Variants in MATCAP2 observed in about 807,000 individuals in gnomAD.
The protein encoded by MATCAP2 is microtubule associated tyrosine carboxypeptidase 2.
chr7:36,358,716 G>A, the MATCAP2 span, among the ~76,000 whole-genome samples: 1 of 152,094 alleles, frequency 6.6e-6, no homozygotes, highest in Non-Finnish European at 1.5e-5. Flanking sequence ...TCAGCACATG[G>A]CTCTGATAAA....
the MATCAP2 span, among the ~76,000 whole-genome samples, chr7:36,337,120 A>AAAAAAAAAAAAAAAAAAAAAAC: frequency 6.8e-6 from 1 of 147,470 alleles, no homozygotes; most frequent in Non-Finnish European, 1.5e-5. Context: ...AAAAAAAAAA[A>AAAAAAAAAAAAAAAAAAAAAAC]AAAAAGCAAT....
At chr7:36,328,608 G>A in the MATCAP2 span, among the ~76,000 whole-genome samples, 14 of 151,946 alleles carry the variant, frequency 9.2e-5, no homozygotes, top group Admixed American at 6.6e-5. Context: ...GCTGGGTGTG[G>A]TGGCAGGTGC....
chr7:36,369,025 T>C, the MATCAP2 span, among the ~76,000 whole-genome samples: 2 of 152,198 alleles, frequency 1.3e-5, no homozygotes, highest in African/African-American at 4.8e-5. Flanking sequence ...TTATCTAATT[T>C]ATTATATATT....
the MATCAP2 span, among the ~76,000 whole-genome samples, chr7:36,369,502 T>G: frequency 1.3e-5 from 2 of 152,344 alleles, no homozygotes; most frequent in Middle Eastern, 3.4e-3. Context: ...CACTGCAGTT[T>G]AAGAGCTATT....
At chr7:36,353,544 G>C in the MATCAP2 span, among the ~76,000 whole-genome samples, 1 of 147,506 alleles carries the variant, frequency 6.8e-6, no homozygotes, top group South Asian at 2.1e-4. Flanking sequence ...GCAGTGGTGC[G>C]ATCTCAGCTC....
the MATCAP2 span, among the ~76,000 whole-genome samples, chr7:36,357,818 A>T: frequency 1.3e-5 from 2 of 152,218 alleles, no homozygotes; most frequent in Admixed American, 6.5e-5. Flanking sequence ...TATCTAAAAA[A>T]TCCTCAGCTT....
chr7:36,366,721 A>G, the MATCAP2 span: 1 of 1,535,360 alleles, frequency 6.5e-7, no homozygotes, highest in Non-Finnish European at 8.7e-7. Context: ...AAGTGACGAA[A>G]GGATAAGGGG....
the MATCAP2 span, among the ~76,000 whole-genome samples, chr7:36,388,327 C>T: frequency 2.0e-5 from 3 of 151,948 alleles, no homozygotes; most frequent in East Asian, 5.8e-4. Context: ...ATGGGTTAAC[C>T]GATTTGGCTA....
chr7:36,358,571 G>C, the MATCAP2 span, among the ~76,000 whole-genome samples: 3 of 152,174 alleles, frequency 2.0e-5, no homozygotes, highest in African/African-American at 7.2e-5. Context: ...GTGAAGGAGA[G>C]GGCAGCTTTG....
chr7:36,330,988 G>A, the MATCAP2 span: 141 of 1,604,798 alleles, frequency 8.8e-5, 1 homozygote, highest in Non-Finnish European at 1.1e-4. Context: ...TCACCTTCCC[G>A]AGAGCAGTCA....
At chr7:36,389,225 TA>T in the MATCAP2 span, among the ~76,000 whole-genome samples, 3 of 151,836 alleles carry the variant, frequency 2.0e-5, no homozygotes, top group Non-Finnish European at 4.4e-5. Flanking sequence ...CATGCCTATC[TA>T]ATTTTTTTGT....
the MATCAP2 span, among the ~76,000 whole-genome samples, chr7:36,352,457 C>A: frequency 1.4e-5 from 2 of 147,578 alleles, no homozygotes; most frequent in African/African-American, 5.0e-5. Flanking sequence ...ACTCTTACTG[C>A]AACTATACTG....
chr7:36,337,746 CAATT>C, the MATCAP2 span: 2 of 152,096 alleles, frequency 1.3e-5, no homozygotes, highest in East Asian at 1.9e-4. Context: ...TGTGAACAAT[CAATT>C]GAGATAACTC....
the MATCAP2 span, among the ~76,000 whole-genome samples, chr7:36,372,456 A>T: frequency 1.3e-5 from 2 of 152,270 alleles, no homozygotes; most frequent in Non-Finnish European, 2.9e-5. Flanking sequence ...GCATGTCTAT[A>T]TTCAGGAGAA....
the MATCAP2 span, among the ~76,000 whole-genome samples, chr7:36,347,418 A>G: frequency 2.6e-5 from 4 of 152,202 alleles, no homozygotes; most frequent in Admixed American, 6.5e-5. Context: ...ACTACATACA[A>G]TGAGGACACC....
the MATCAP2 span, among the ~76,000 whole-genome samples, chr7:36,354,727 T>A: frequency 6.6e-6 from 1 of 152,262 alleles, no homozygotes; most frequent in African/African-American, 2.4e-5. Context: ...TTAAACAGTA[T>A]ACTTGGCATT....
At chr7:36,326,045 T>C in the MATCAP2 span, 1 of 151,962 alleles carries the variant, frequency 6.6e-6, no homozygotes, top group African/African-American at 2.4e-5. Context: ...TTATAAAGGA[T>C]GCAGTGGAAA....
chr7:36,326,897 G>A, the MATCAP2 span: 4 of 1,608,580 alleles, frequency 2.5e-6, no homozygotes, highest in South Asian at 1.1e-5. Flanking sequence ...CCTTTTAAGC[G>A]ATCCACATCT....
At chr7:36,335,038 G>T in the MATCAP2 span, 2 of 1,608,216 alleles carry the variant, frequency 1.2e-6, no homozygotes, top group South Asian at 1.1e-5. Flanking sequence ...GGAAAGGATT[G>T]CCCCTACCTA....
Sources: gnomAD v4.1 joint callset for allele counts (sites outside exome capture counted in the v4.1 genomes callset) on GRCh38, gnomAD v4.1.1 for gene constraint, MANE v1.5 for transcripts, NCBI Gene and HGNC (gene_info 2026-07-23, HGNC 2026-07-21) for gene names.